The following UTP4 variants were observed in gnomAD, a reference collection of about 807,000 sequenced individuals.
The protein encoded by UTP4 is U3 small nucleolar RNA-associated protein 4 homolog.
A neutral mutation model predicts 82.4 loss-of-function variants in UTP4; 45 were observed. The ratio of observed to expected loss-of-function variants is 0.55; its 90% CI spans 0.43 to 0.70. The LOEUF (loss-of-function observed/expected upper bound fraction) is 0.70, where lower values mean the gene tolerates loss of function less well. Ranked by LOEUF, UTP4 falls within the 30% of genes least tolerant of loss-of-function variation. The probability of loss-of-function intolerance (pLI) is 0.00; values close to 1 mark genes in which losing one functional copy is unlikely to be tolerated. For synonymous variants in UTP4, 348 were observed against 300.3 expected, an observed-to-expected ratio of 1.16 and a Z score of -1.64; for missense variants, 819 against 858.3, an observed-to-expected ratio of 0.95 and a Z score of 0.57.
At chr16:69,148,383 C>T (rs1056212027) in intron 6 of UTP4, among the ~76,000 whole-genome samples, 1 of 152,034 alleles carries the variant, frequency 6.6e-6, no homozygotes, top group Admixed American at 6.6e-5. Context: ...AGATGTGAGC[C>T]ACTGCGCCCG....
intron 10 of UTP4, among the ~76,000 whole-genome samples, chr16:69,155,066 GA>G (rs139040845): frequency 2.6e-4 from 39 of 150,938 alleles, no homozygotes; most frequent in South Asian, 2.5e-3. Flanking sequence ...GGTATACAAT[GA>G]AAAAAAAATC....
intron 4 of UTP4, among the ~76,000 whole-genome samples, chr16:69,138,559 CCTT>C (rs1962873321): frequency 6.6e-6 from 1 of 152,144 alleles, no homozygotes; most frequent in Non-Finnish European, 1.5e-5. Flanking sequence ...GGTTCTTAAT[CCTT>C]CTGGTGCATT....
chr16:69,165,808 A>G, intron 15 of UTP4: 1 of 547,310 alleles, frequency 1.8e-6, no homozygotes, highest in South Asian at 2.1e-5. Flanking sequence ...AAGCACATAA[A>G]TCTTACACAG....
At chr16:69,143,541 A>G in intron 6 of UTP4, 152 bp downstream of exon 6, 2 of 734,148 alleles carry the variant, frequency 2.7e-6, no homozygotes, top group Non-Finnish European at 4.8e-6. Context: ...GAAAACCCAC[A>G]TTGTTTCCAT....
At chr16:69,146,875 C>T (rs1221963092) in intron 6 of UTP4, among the ~76,000 whole-genome samples, 4 of 150,274 alleles carry the variant, frequency 2.7e-5, no homozygotes, top group South Asian at 4.2e-4. Context: ...TGGTGGCGGG[C>T]GCCTGTAGTC....
Position 69,137,902 on chromosome 16 carries a change from A to G in UTP4, c.436+17A>G. 2.0e-6 allele frequency: 3 copies of G among 1,490,446 alleles called. No homozygotes were observed. The highest frequency in any genetic ancestry group is 2.8e-6 in the Non-Finnish European group (3 of 1,067,218). 92.3% of individuals were successfully genotyped at this position (1,490,446 alleles called of 1,614,324 possible). On this transcript the variant is annotated intron_variant, in intron 4 of 16. Transcript: ENST00000314423. ...GGCAGAAAAGTAAGCGTCATTTTTC[A>G]TGGGGCGGTAAATAGCCTTAACAAG...
chr16:69,162,516 A>G (rs558839108), intron 13 of UTP4, among the ~76,000 whole-genome samples: 39 of 151,522 alleles, frequency 2.6e-4, no homozygotes, highest in Non-Finnish European at 4.9e-4. Flanking sequence ...GTTTGAGACC[A>G]GCCTGGCCAA....
intron 5 of UTP4, among the ~76,000 whole-genome samples, chr16:69,141,603 T>TCCAATA (rs1302409771): frequency 6.6e-6 from 1 of 152,168 alleles, no homozygotes; most frequent in Admixed American, 6.5e-5. Context: ...GTTCTTCTAA[T>TCCAATA]CCAATACCCA....
At chr16:69,147,178 A>AAATAAT (rs59985843) in intron 6 of UTP4, among the ~76,000 whole-genome samples, 5,148 of 132,458 alleles carry the variant, frequency 0.039, 144 homozygotes, top group African/African-American at 0.067. Context: ...CTCCAGCTCA[A>AAATAAT]AATAATAATA....
intron 10 of UTP4, among the ~76,000 whole-genome samples, chr16:69,154,729 T>A (rs894592943): frequency 1.3e-5 from 2 of 151,518 alleles, no homozygotes; most frequent in African/African-American, 4.8e-5. Context: ...TATTTATTTA[T>A]TTATTTATTT....
intron 6 of UTP4, among the ~76,000 whole-genome samples, chr16:69,148,388 C>T (rs1193711359): frequency 1.3e-5 from 2 of 150,594 alleles, no homozygotes; most frequent in Non-Finnish European, 3.0e-5. Flanking sequence ...TGAGCCACTG[C>T]GCCCGGCCTA....
At chr16:69,161,989 A>G (rs1963573689) in intron 13 of UTP4, among the ~76,000 whole-genome samples, 1 of 144,230 alleles carries the variant, frequency 6.9e-6, no homozygotes, top group Admixed American at 6.9e-5. Flanking sequence ...TTTTTTTGAG[A>G]TTGAGTCTTG....
chr16:69,136,831 G>A lies in UTP4; in HGVS notation c.295G>A (p.Ala99Thr). The change falls in exon 3 of 17, where the codon GCC becomes ACC. Residue 99 changes from alanine (A) to threonine (T), a missense_variant. Physicochemically the swap from Ala to Thr is moderately conservative, Grantham distance 58. Transcript: ENST00000314423. ...GTTAAACATCAAGTATGCTATGGATGCCTTTGGAGGACCTATTTGGAGCAT... is the reference window on the plus strand; with the variant it reads ...GTTAAACATCAAGTATGCTATGGATACCTTTGGAGGACCTATTTGGAGCAT... ...QALNIKYAMD[A>T]FGGPIWSMAA... is the part of the protein sequence containing the mutation. 1.2e-6 allele frequency: 2 copies of A among 1,614,200 alleles called. No homozygotes were observed. Among genetic ancestry groups the A allele is most frequent in the Non-Finnish European group, 1.7e-6 (2 of 1,180,028 alleles).
At chr16:69,157,011 C>G in intron 11 of UTP4, 73 bp from the exon 12 acceptor site, 1 of 1,517,242 alleles carries the variant, frequency 6.6e-7, no homozygotes, top group South Asian at 1.1e-5. Context: ...TACCTTAAGC[C>G]TAGCTGTGAT....
At chr16:69,149,359 G>A (rs1963200979) in intron 6 of UTP4, among the ~76,000 whole-genome samples, 2 of 152,082 alleles carry the variant, frequency 1.3e-5, no homozygotes, top group East Asian at 1.9e-4. Flanking sequence ...CAGCCTGGGC[G>A]ACAAGAGTGA....
At chr16:69,138,740 G>A (rs1228969485) in intron 4 of UTP4, among the ~76,000 whole-genome samples, 1 of 152,188 alleles carries the variant, frequency 6.6e-6, no homozygotes, top group Non-Finnish European at 1.5e-5. Context: ...CTCTGTCAGT[G>A]TAGTGCAAAA....
chr16:69,147,150 C>G (rs926232578), intron 6 of UTP4, among the ~76,000 whole-genome samples: 14 of 147,636 alleles, frequency 9.5e-5, no homozygotes, highest in Admixed American at 2.0e-4. Context: ...GCACTCCAGC[C>G]TGGTCAACAG....
At chr16:69,148,079 C>T (rs1454942105) in intron 6 of UTP4, among the ~76,000 whole-genome samples, 1 of 152,128 alleles carries the variant, frequency 6.6e-6, no homozygotes, top group South Asian at 2.1e-4. Context: ...CCTCAGCTTC[C>T]CAAGTAGCTG....
chr16:69,152,210 A>G (rs535135900), intron 8 of UTP4, among the ~76,000 whole-genome samples: 1 of 151,918 alleles, frequency 6.6e-6, no homozygotes, highest in African/African-American at 2.4e-5. Context: ...GTTCCTTTAC[A>G]GTAGCTTCTT....
Sources: gnomAD v4.1 joint callset for allele counts (sites outside exome capture counted in the v4.1 genomes callset) on GRCh38, gnomAD v4.1.1 for gene constraint, MANE v1.5 for transcripts, NCBI Gene and HGNC (gene_info 2026-07-23, HGNC 2026-07-21) for gene names.